GPR26: variants seen among roughly 807,000 people sequenced by gnomAD.
GPR26 encodes G protein-coupled receptor 26.
Under a neutral mutation model 23.1 loss-of-function variants are expected in GPR26, and 15 were observed. The ratio of observed to expected loss-of-function variants is 0.65; its 90% CI spans 0.43 to 1.00. The LOEUF (loss-of-function observed/expected upper bound fraction) is 1.00, where lower values mean the gene tolerates loss of function less well. Ranked by LOEUF, GPR26 falls within the 50% of genes least tolerant of loss-of-function variation. The probability of loss-of-function intolerance (pLI) is 0.00; values close to 1 mark genes in which losing one functional copy is unlikely to be tolerated. For synonymous variants in GPR26, 228 were observed against 222.1 expected, an observed-to-expected ratio of 1.03 and a Z score of -0.24; for missense variants, 359 against 470.5, an observed-to-expected ratio of 0.76 and a Z score of 2.19.
In GPR26 at chr10:123,688,515, G is replaced by T. The variant is rs1845455450; in HGVS notation, c.*355G>T. 9.6e-6 allele frequency: 3 copies of T among 311,224 alleles called. No homozygotes were observed. Among genetic ancestry groups the T allele is most frequent in the Non-Finnish European group, 1.9e-5 (3 of 161,844 alleles). 19.3% of individuals were successfully genotyped at this position (311,224 alleles called of 1,614,324 possible). A position where few individuals can be genotyped will look rare whatever the true frequency, so the allele number is the denominator to read the frequency against. On this transcript the variant is annotated 3_prime_UTR_variant, in exon 3 of 3. Transcript: ENST00000284674. The stretch of plus-strand genomic sequence containing the variant: ...TAGGTGGGAAGCATGGTGTCCACCT[G>T]CCTGCTGACCACTGGACGCTGCTCC...
Position 123,676,069 on chromosome 10 carries a change from G to A in GPR26, c.782+1138G>A, listed in dbSNP as rs560583566. On this transcript the variant is annotated intron_variant, in intron 2 of 2. Transcript: ENST00000284674. ...AGCATGATTTGCTCTGGCCTCTGCCGCTGCTCCCAGTTCTTCTTTCTGCCA... is the reference window on the plus strand; with the variant it reads ...AGCATGATTTGCTCTGGCCTCTGCCACTGCTCCCAGTTCTTCTTTCTGCCA... 1.2e-4 allele frequency among the ~76,000 whole-genome samples: 18 copies of A among 152,224 alleles called. No individual in the cohort carries two copies. In the East Asian group the frequency reaches 2.7e-3, roughly 23 times the overall value.
chr10:123,691,542 G>A lies in GPR26; in HGVS notation c.*3382G>A, dbSNP rs1407215640. On this transcript the variant is annotated 3_prime_UTR_variant, in exon 3 of 3. Transcript: ENST00000284674. The stretch of plus-strand genomic sequence containing the variant: ...CATGGCTACAGTGTGACCCTTGGAG[G>A]AACCAAAGGCTGTGCATTGTTAGAA... 6 of 152,192 alleles carry A rather than the reference G, an allele frequency of 3.9e-5. No homozygotes were observed. The highest frequency in any genetic ancestry group is 7.3e-5 in the Non-Finnish European group (5 of 68,048). The allele number at this position is 152,192 out of a possible 1,614,324, so 9.4% of individuals were successfully genotyped here. A position where few individuals can be genotyped will look rare whatever the true frequency, so the allele number is the denominator to read the frequency against.
chr10:123,685,076 G>T (rs1234084785), intron 2 of GPR26, among the ~76,000 whole-genome samples: 1 of 152,214 alleles, frequency 6.6e-6, no homozygotes, highest in East Asian at 1.9e-4. Flanking sequence ...AGGGGGAAAG[G>T]CATTAAATAA....
chr10:123,685,098 G>A (rs572795123), intron 2 of GPR26, among the ~76,000 whole-genome samples: 9 of 152,278 alleles, frequency 5.9e-5, no homozygotes, highest in South Asian at 2.1e-4. Flanking sequence ...CTGACAACAC[G>A]GAGGAGGAGA....
rs1285614256 is a variant in GPR26, at chr10:123,696,307, A to G, written c.*8147A>G. The stretch of plus-strand genomic sequence containing the variant: ...CCTTTAGTGAGAGGACAGCTGGCTA[A>G]ATGCTATCCTCAGTCCTCCTGGAGG... On this transcript the variant is annotated 3_prime_UTR_variant, in exon 3 of 3. Coordinates refer to ENST00000284674, the MANE Select transcript of GPR26 (RefSeq NM_153442.4). Among the ~76,000 whole-genome samples the G allele has an allele frequency of 2.0e-5, 3 of 152,196 alleles. No individual in the cohort carries two copies. The East Asian group carries it at 5.8e-4, about 29-fold the overall frequency.
At chr10:123,686,208 A>T (rs951156487) in intron 2 of GPR26, among the ~76,000 whole-genome samples, 2 of 152,240 alleles carry the variant, frequency 1.3e-5, no homozygotes, top group African/African-American at 2.4e-5. Context: ...AGCAAGGTAT[A>T]AAAAACTATA....
intron 2 of GPR26, among the ~76,000 whole-genome samples, chr10:123,685,365 A>G (rs34334632): frequency 0.023 from 3,432 of 152,290 alleles, 69 homozygotes; most frequent in South Asian, 0.087. Context: ...CTCATCAACG[A>G]AAGGAGCTGG....
intron 2 of GPR26, among the ~76,000 whole-genome samples, chr10:123,683,369 CTG>C (rs1845399305): frequency 6.6e-6 from 1 of 152,246 alleles, no homozygotes; most frequent in Admixed American, 6.5e-5. Flanking sequence ...GAGATGGTCT[CTG>C]TGAAGCAGTT....
intron 2 of GPR26, among the ~76,000 whole-genome samples, chr10:123,677,985 C>T (rs1054623583): frequency 2.0e-5 from 3 of 152,176 alleles, no homozygotes; most frequent in Admixed American, 1.3e-4. Flanking sequence ...CAGCTGACAC[C>T]TGTCATCCCA....
chr10:123,682,895 T>A (rs1452507906), intron 2 of GPR26, among the ~76,000 whole-genome samples: 4 of 152,222 alleles, frequency 2.6e-5, no homozygotes, highest in Non-Finnish European at 4.4e-5. Flanking sequence ...ATACACAAGC[T>A]GAGTTCTCCA....
In GPR26 at chr10:123,666,526, C is replaced by A. The variant is rs770106887; in HGVS notation, c.119C>A (p.Ala40Glu). 1.3e-6 allele frequency: 2 copies of A among 1,585,004 alleles called. No homozygotes were observed. Among genetic ancestry groups the A allele is most frequent in the Non-Finnish European group, 1.7e-6 (2 of 1,168,912 alleles). The change falls in exon 1 of 3, where the codon GCG becomes GAG. Residue 40 changes from alanine to glutamate, a missense_variant. Ala to Glu is a moderately radical substitution (Grantham distance 107). Transcript: ENST00000284674. ...CACAGCGCGGACATCCGCCGCCAGG[C>A]GCCGGCGCTCTTCACCCTGAACCTC... ...LLHSADIRRQAPALFTLNLTC... is the reference protein window; with the variant it reads ...LLHSADIRRQEPALFTLNLTC...
chr10:123,667,112 C>G (rs1242969689), intron 1 of GPR26, 37 bp downstream of exon 1: 2 of 1,440,892 alleles, frequency 1.4e-6, no homozygotes, highest in Admixed American at 2.3e-5. Context: ...GGAACAGCCG[C>G]GCGGGATCTC....
chr10:123,676,488 G>T (rs1222893485), intron 2 of GPR26, among the ~76,000 whole-genome samples: 1 of 152,138 alleles, frequency 6.6e-6, no homozygotes, highest in Non-Finnish European at 1.5e-5. Flanking sequence ...ACCTCCTAGT[G>T]AGGCAGGGGT....
rs566259851 is a variant in GPR26, at chr10:123,673,224, G to T, written c.669-1594G>T. Reference sequence around the variant, plus strand: ...CTTGGAAGAATTTTAGGAGGCTTCAGTCTAAACTAATGTGAAATTGTCCAT... The same window carrying T: ...CTTGGAAGAATTTTAGGAGGCTTCATTCTAAACTAATGTGAAATTGTCCAT... On this transcript the variant is annotated intron_variant, in intron 1 of 2. Transcript: ENST00000284674. 2.6e-5 allele frequency among the ~76,000 whole-genome samples: 4 copies of T among 152,310 alleles called. No individual in the cohort carries two copies. The South Asian group carries it at 8.3e-4, about 32-fold the overall frequency.
intron 1 of GPR26, among the ~76,000 whole-genome samples, chr10:123,669,354 C>T (rs1008709152): frequency 2.0e-5 from 3 of 152,250 alleles, no homozygotes; most frequent in Non-Finnish European, 2.9e-5. Flanking sequence ...CCTCAAGAGA[C>T]CCTGACAGCC....
In GPR26 at chr10:123,674,480, G is replaced by T. The variant is rs775952102; in HGVS notation, c.669-338G>T. Among the ~76,000 whole-genome samples the T allele has an allele frequency of 1.3e-5, 2 of 152,176 alleles. No individual in the cohort carries two copies. Among genetic ancestry groups the T allele is most frequent in the Non-Finnish European group, 2.9e-5 (2 of 68,030 alleles). Reference sequence around the variant, plus strand: ...GTACTGACTTGGGCACTGTGCCGGTGGCTTTGTGTGCTTCACACATGGAAT... The same window carrying T: ...GTACTGACTTGGGCACTGTGCCGGTTGCTTTGTGTGCTTCACACATGGAAT... On this transcript the variant is annotated intron_variant, in intron 1 of 2. Coordinates refer to ENST00000284674, the MANE Select transcript of GPR26 (RefSeq NM_153442.4). The surrounding 1 kb of genome is among the most constrained non-coding windows in gnomAD (Gnocchi z 4.1).
At chr10:123,673,394 A>C (rs1261900390) in intron 1 of GPR26, among the ~76,000 whole-genome samples, 1 of 152,160 alleles carries the variant, frequency 6.6e-6, no homozygotes. Flanking sequence ...CATTTTTTTA[A>C]CAGACTGCCT....
At position 123,697,046 on chromosome 10, in the gene GPR26, CAAAT is replaced by C. The variant is rs2133937481; in HGVS notation, c.*8887_*8890del. On this transcript the variant is annotated 3_prime_UTR_variant, in exon 3 of 3. Transcript: ENST00000284674. ...AAACAGCTACACTCGGAGTAGAAAA[CAAAT>C]GAAGCAAAAGTTTAGCATCCTCTCA... Among the ~76,000 whole-genome samples the C allele has an allele frequency of 6.6e-6, 1 of 152,288 alleles. No individual in the cohort carries two copies. Among genetic ancestry groups the C allele is most frequent in the Admixed American group, 6.5e-5 (1 of 15,294 alleles).
chr10:123,679,754 T>C (rs1270126812), intron 2 of GPR26, among the ~76,000 whole-genome samples: 1 of 152,116 alleles, frequency 6.6e-6, no homozygotes, highest in Non-Finnish European at 1.5e-5. Flanking sequence ...AGGTCTCCCC[T>C]TCTCTCTTGT....
Sources: allele counts gnomAD v4.1 joint callset (sites outside exome capture counted in the v4.1 genomes callset), GRCh38; gene constraint gnomAD v4.1.1; non-coding constraint Gnocchi (gnomAD v3.1); transcripts MANE v1.5; gene names NCBI Gene and HGNC (gene_info 2026-07-23, HGNC 2026-07-21).